Variants in KDM4A observed in about 807,000 individuals in gnomAD.
KDM4A encodes lysine demethylase 4A.
In KDM4A, 23 loss-of-function variants were observed where a neutral mutation model predicts 127.1. The ratio of observed to expected loss-of-function variants is 0.18; its 90% CI spans 0.13 to 0.26. KDM4A has a LOEUF of 0.26. KDM4A is among the 10% of genes least tolerant of loss of function. The pLI is 1.00. For synonymous variants in KDM4A, 443 were observed against 466.5 expected (o/e 0.95, Z 0.65); for missense variants, 890 against 1,329.1 (o/e 0.67, Z 5.14).
chr1:43,663,210 A>G (rs543496438), intron 5 of KDM4A, 123 bp downstream of exon 5: 1 of 815,768 alleles, frequency 1.2e-6, no homozygotes, highest in Non-Finnish European at 1.9e-6. Flanking sequence ...TTGGGGTGAC[A>G]TTCCATGTTT....
intron 3 of KDM4A, among the ~76,000 whole-genome samples, chr1:43,658,818 A>T (rs955312952): frequency 6.6e-6 from 1 of 151,868 alleles, no homozygotes; most frequent in Admixed American, 6.6e-5. Flanking sequence ...GCTAATTTTT[A>T]AAGTTTTTGT....
At chr1:43,671,131 G>C (rs964994741) in intron 10 of KDM4A, among the ~76,000 whole-genome samples, 1 of 152,206 alleles carries the variant, frequency 6.6e-6, no homozygotes, top group African/African-American at 2.4e-5. Context: ...TATTTTTCAA[G>C]ATCTTTAGAT....
At chr1:43,681,969 T>G (rs1660869664) in intron 11 of KDM4A, among the ~76,000 whole-genome samples, 1 of 152,180 alleles carries the variant, frequency 6.6e-6, no homozygotes, top group African/African-American at 2.4e-5. Flanking sequence ...CCCTTTTACT[T>G]ACTTACTTAT....
intron 1 of KDM4A, among the ~76,000 whole-genome samples, chr1:43,651,023 CA>C (rs1174250400): frequency 6.6e-6 from 1 of 152,164 alleles, no homozygotes; most frequent in African/African-American, 2.4e-5. Flanking sequence ...AGTTTTTCAA[CA>C]GTTACCGATT....
chr1:43,653,285 A>G lies in KDM4A; in HGVS notation c.110A>G (p.Gln37Arg), dbSNP rs1305504740. 6.8e-6 allele frequency: 11 copies of G among 1,613,300 alleles called. No individual in the cohort carries two copies. The highest frequency in any genetic ancestry group is 1.3e-5 in the African/African-American group (1 of 74,894). ...FSRYIAYIES[Q>R]GAHRAGLAKV... ...AGATACATTGCCTACATTGAATCCC[A>G]AGGAGCTCATCGGGCAGGGCTAGCC... Residue 37 changes from glutamine to arginine, a missense_variant, in exon 2 of 22, where the codon CAA (glutamine) becomes CGA (arginine). Physicochemically the swap from Gln to Arg is conservative, Grantham distance 43. Around this residue, in one of 7 missense-constraint regions of KDM4A, gnomAD observed 35 missense variants for 27.7 expected, o/e 1.26. Transcript: ENST00000372396.
rs559787738 is a variant in KDM4A at position 43,677,118 on chromosome 1, G to A, written c.1734+5243G>A. 1.4e-4 allele frequency among the ~76,000 whole-genome samples: 21 copies of A among 152,254 alleles called. No homozygotes were observed. The South Asian group carries it at 4.4e-3, about 32-fold the overall frequency. ...CCCAGCACTCTGGGAGGCCGAGGGG[G>A]TGGATCATCTGAGGTCAGGAGTGCG... On this transcript the variant is annotated intron_variant, in intron 11 of 21. Transcript: ENST00000372396.
At chr1:43,698,200 A>C (rs1305811390) in intron 19 of KDM4A, among the ~76,000 whole-genome samples, 187 bp downstream of exon 19, 3 of 152,158 alleles carry the variant, frequency 2.0e-5, no homozygotes, top group Non-Finnish European at 4.4e-5. Flanking sequence ...CTGCTAGGGT[A>C]CCCTATTTTC....
At chr1:43,673,851 T>G (rs1244880716) in intron 11 of KDM4A, among the ~76,000 whole-genome samples, 1 of 152,274 alleles carries the variant, frequency 6.6e-6, no homozygotes, top group Non-Finnish European at 1.5e-5. Context: ...TGCTGTCCTC[T>G]TGCTGAGTCT....
In KDM4A at chr1:43,653,209, G is replaced by A; in HGVS notation, c.34G>A (p.Ala12Thr). ...ASESETLNPS[A>T]RIMTFYPTME... ...TGAGTCTGAAACTCTGAATCCCAGT[G>A]CTAGGATAATGACCTTTTATCCAAC... Residue 12 changes from alanine (A) to threonine (T), a missense_variant, in exon 2 of 22, where the codon GCT becomes ACT. Transcript: ENST00000372396. 1 of 1,613,762 alleles carries A rather than the reference G, an allele frequency of 6.2e-7. No individual in the cohort carries two copies. Among genetic ancestry groups the A allele is most frequent in the South Asian group, 1.1e-5 (1 of 90,984 alleles).
intron 19 of KDM4A, among the ~76,000 whole-genome samples, chr1:43,701,370 T>C (rs1661388681): frequency 6.6e-6 from 1 of 152,258 alleles, no homozygotes; most frequent in African/African-American, 2.4e-5. Context: ...CAACAGATAC[T>C]GACTTTTGTT....
Position 43,653,289 on chromosome 1 carries a change from A to T in KDM4A, c.114A>T (p.Gly38=). Reference sequence around the variant, plus strand: ...ACATTGCCTACATTGAATCCCAAGGAGCTCATCGGGCAGGGCTAGCCAAGG... The same window carrying T: ...ACATTGCCTACATTGAATCCCAAGGTGCTCATCGGGCAGGGCTAGCCAAGG... The part of the protein sequence containing the change: ...SRYIAYIESQ[G]AHRAGLAKVV... The change falls in exon 2 of 22, where the codon GGA becomes GGT. Residue 38 remains glycine, a synonymous_variant. Coordinates refer to ENST00000372396, the MANE Select transcript of KDM4A (RefSeq NM_014663.3). The T allele has an allele frequency of 6.2e-7, 1 of 1,612,948 alleles. No individual in the cohort carries two copies.
intron 3 of KDM4A, among the ~76,000 whole-genome samples, chr1:43,658,649 G>C (rs1003129179): frequency 6.6e-6 from 1 of 150,976 alleles, no homozygotes. Flanking sequence ...GACTATAGGC[G>C]CCCGCCACAC....
intron 11 of KDM4A, among the ~76,000 whole-genome samples, chr1:43,681,590 C>T (rs1015150126): frequency 2.6e-5 from 4 of 152,188 alleles, no homozygotes; most frequent in African/African-American, 7.2e-5. Context: ...AGCCTGTCAC[C>T]TTGGTGGTCC....
intron 13 of KDM4A, among the ~76,000 whole-genome samples, chr1:43,689,857 C>T (rs1661069066): frequency 6.6e-6 from 1 of 152,202 alleles, no homozygotes; most frequent in Non-Finnish European, 1.5e-5. Context: ...GAACCTCAGA[C>T]CAACACACTT....
At chr1:43,660,970 T>C (rs920488788) in intron 4 of KDM4A, among the ~76,000 whole-genome samples, 1 of 151,768 alleles carries the variant, frequency 6.6e-6, no homozygotes, top group African/African-American at 2.4e-5. Flanking sequence ...ATTGTTTTCA[T>C]ATTTTAATTT....
At chr1:43,701,497 A>T (rs1324372046) in intron 19 of KDM4A, among the ~76,000 whole-genome samples, 1 of 152,018 alleles carries the variant, frequency 6.6e-6, no homozygotes, top group Non-Finnish European at 1.5e-5. Flanking sequence ...ATTTTCATAG[A>T]GTTTTTTAAA....
rs1393145264 is a variant in KDM4A, at chr1:43,683,885, C to G, written c.1855+81C>G. ...CAGGACAGGACATCAGAAGGCCAAG[C>G]TGAGGGATAAGGGTGGGCCTGTGGC... is the stretch of plus-strand genomic sequence containing the variant. On this transcript the variant is annotated intron_variant, in intron 12 of 21. Transcript: ENST00000372396. 20 of 1,535,928 alleles carry G rather than the reference C, an allele frequency of 1.3e-5. No individual in the cohort carries two copies. The South Asian group carries it at 1.9e-4, about 15-fold the overall frequency.
intron 11 of KDM4A, among the ~76,000 whole-genome samples, chr1:43,672,651 C>T (rs1293576248): frequency 3.9e-5 from 6 of 152,030 alleles, no homozygotes; most frequent in African/African-American, 7.2e-5. Context: ...CCCACCACCA[C>T]GCCCAGCTAA....
At chr1:43,690,814 A>C in intron 13 of KDM4A, 31 bp from the exon 14 acceptor site, 1 of 1,601,890 alleles carries the variant, frequency 6.2e-7, no homozygotes, top group Middle Eastern at 1.7e-4. Flanking sequence ...GCACGTGCTC[A>C]CTGAGGTGTA....
Sources: gnomAD v4.1 joint callset for allele counts (sites outside exome capture counted in the v4.1 genomes callset) on GRCh38, gnomAD v4.1.1 for gene constraint, gnomAD v4.1.1 regional missense constraint, MANE v1.5 for transcripts, NCBI Gene and HGNC (gene_info 2026-07-23, HGNC 2026-07-21) for gene names.